Variants in SHTN1 observed in about 807,000 individuals in gnomAD.
SHTN1 encodes the protein shootin 1.
Under a neutral mutation model 83.1 loss-of-function variants are expected in SHTN1, and 42 were observed. The observed-to-expected ratio is 0.51, with a 90% CI of 0.39 to 0.65. The LOEUF (loss-of-function observed/expected upper bound fraction) is 0.65, where lower values mean the gene tolerates loss of function less well. Among genes scored for constraint, SHTN1 ranks in the 30% least tolerant of loss-of-function variants. SHTN1 has a pLI of 0.00. For missense variants in SHTN1, 622 were observed against 737.8 expected (o/e 0.84, Z 1.82); for synonymous variants, 224 against 247.7 (o/e 0.90, Z 0.90).
intron 2 of SHTN1, among the ~76,000 whole-genome samples, chr10:117,037,839 C>T (rs142967045): frequency 0.02 from 3,057 of 151,768 alleles, 44 homozygotes; most frequent in East Asian, 0.033. Flanking sequence ...AACCCCATCT[C>T]TACTAAAAAT....
intron 1 of SHTN1, among the ~76,000 whole-genome samples, chr10:116,994,855 A>G (rs1308007435): frequency 8.6e-5 from 2 of 23,142 alleles, no homozygotes; most frequent in South Asian, 9.4e-3. Context: ...TGGAAGTCTG[A>G]AAGTGACATA....
upstream of SHTN1, among the ~76,000 whole-genome samples, chr10:117,007,124 C>G (rs1267957110): frequency 6.6e-6 from 1 of 151,838 alleles, no homozygotes; most frequent in African/African-American, 2.4e-5. Flanking sequence ...AAGATAGTTG[C>G]AGATAGCTGC....
At chr10:117,096,202 G>A (rs1331260602) in intron 1 of SHTN1, among the ~76,000 whole-genome samples, 1 of 152,112 alleles carries the variant, frequency 6.6e-6, no homozygotes, top group Non-Finnish European at 1.5e-5. Context: ...TTTGGTTATT[G>A]TGCTTAAAAT....
At chr10:117,118,078 A>G (rs1011657742) in intron 1 of SHTN1, among the ~76,000 whole-genome samples, 1 of 152,222 alleles carries the variant, frequency 6.6e-6, no homozygotes, top group African/African-American at 2.4e-5. Flanking sequence ...ACAGCAAAGG[A>G]AACAAATAAC....
rs763069813 is a variant in SHTN1 at position 116,930,005 on chromosome 10, A to G, written c.859-3T>C. On this transcript the variant is annotated splice_region_variant and splice_polypyrimidine_tract_variant and intron_variant, in intron 9 of 16. Coordinates refer to ENST00000355371, the MANE Select transcript of SHTN1 (RefSeq NM_001127211.3). The stretch of plus-strand genomic sequence containing the variant: ...AGTTGCTCTTCTAATTCTTTGACCT[A>G]TAAGTTATTTAAAAAAAAAAGACTT... 9.8e-6 allele frequency: 15 copies of G among 1,526,368 alleles called. No homozygotes were observed. Among genetic ancestry groups the G allele is most frequent in the Middle Eastern group, 1.8e-4 (1 of 5,568 alleles). 94.6% of individuals were successfully genotyped at this position (1,526,368 alleles called of 1,614,324 possible).
chr10:116,943,678 C>T (rs78799641), intron 8 of SHTN1, among the ~76,000 whole-genome samples: 1 of 152,326 alleles, frequency 6.6e-6, no homozygotes, highest in South Asian at 2.1e-4. Context: ...GCTAGCACAG[C>T]TATGCTCAAG....
intron 16 of SHTN1, among the ~76,000 whole-genome samples, chr10:116,889,782 T>G (rs1465781861): frequency 6.6e-6 from 1 of 152,216 alleles, no homozygotes; most frequent in African/African-American, 2.4e-5. Flanking sequence ...TCCGAATCCG[T>G]TTCCATCTCC....
At chr10:117,112,740 A>G (rs1853786142) in intron 1 of SHTN1, among the ~76,000 whole-genome samples, 1 of 152,180 alleles carries the variant, frequency 6.6e-6, no homozygotes, top group South Asian at 2.1e-4. Context: ...TTCAAATTAA[A>G]ATTTCTCTTC....
intron 2 of SHTN1, among the ~76,000 whole-genome samples, chr10:117,025,825 C>T (rs1176549808): frequency 6.6e-6 from 1 of 152,106 alleles, no homozygotes; most frequent in Non-Finnish European, 1.5e-5. Flanking sequence ...CAAAAGGGAA[C>T]CTGCTGCCTT....
At chr10:117,097,076 A>T (rs943164831) in intron 1 of SHTN1, among the ~76,000 whole-genome samples, 3 of 151,748 alleles carry the variant, frequency 2.0e-5, no homozygotes, top group African/African-American at 7.3e-5. Flanking sequence ...GGAAAAAGGA[A>T]GCCCTAGAGT....
At chr10:116,898,969 GA>G (rs900766619) in intron 16 of SHTN1, among the ~76,000 whole-genome samples, 3 of 151,910 alleles carry the variant, frequency 2.0e-5, no homozygotes, top group South Asian at 2.1e-4. Context: ...TTTATTGAAA[GA>G]AAAAAAACTT....
At chr10:116,942,898 A>G (rs1348933223) in intron 8 of SHTN1, among the ~76,000 whole-genome samples, 1 of 152,222 alleles carries the variant, frequency 6.6e-6, no homozygotes, top group African/African-American at 2.4e-5. Context: ...ATGCAAAAGA[A>G]TGGGACTCTG....
chr10:116,916,166 G>A (rs990866198), intron 12 of SHTN1, among the ~76,000 whole-genome samples: 2 of 152,078 alleles, frequency 1.3e-5, no homozygotes, highest in South Asian at 2.1e-4. Flanking sequence ...ATTGTTTAAC[G>A]TTGCCACTAT....
intron 7 of SHTN1, among the ~76,000 whole-genome samples, chr10:116,945,535 C>T (rs1341522691): frequency 6.6e-6 from 1 of 152,004 alleles, no homozygotes; most frequent in African/African-American, 2.4e-5. Context: ...ACAGCCATTT[C>T]ACAGAATAGA....
At chr10:116,915,963 T>C (rs1848368279) in intron 12 of SHTN1, among the ~76,000 whole-genome samples, 1 of 152,228 alleles carries the variant, frequency 6.6e-6, no homozygotes, top group Non-Finnish European at 1.5e-5. Context: ...AATAAGTCTA[T>C]AGTCAAAAGA....
chr10:116,948,831 A>T, intron 7 of SHTN1, 85 bp downstream of exon 7: 1 of 843,976 alleles, frequency 1.2e-6, no homozygotes, highest in Non-Finnish European at 1.7e-6. Flanking sequence ...AGTCATATTT[A>T]GGCACAGGTG....
At chr10:117,114,643 C>T (rs1339108886) in intron 1 of SHTN1, among the ~76,000 whole-genome samples, 2 of 152,092 alleles carry the variant, frequency 1.3e-5, no homozygotes, top group Non-Finnish European at 2.9e-5. Flanking sequence ...AGGAAGCAGG[C>T]CCTTGGATGG....
intron 16 of SHTN1, among the ~76,000 whole-genome samples, chr10:116,899,707 C>A (rs1239946702): frequency 6.6e-6 from 1 of 152,130 alleles, no homozygotes; most frequent in Admixed American, 6.5e-5. Flanking sequence ...GAAGTGTTAA[C>A]TACTAGAATG....
At chr10:116,910,061 A>C (rs1346361974) in intron 14 of SHTN1, among the ~76,000 whole-genome samples, 1 of 152,102 alleles carries the variant, frequency 6.6e-6, no homozygotes, top group Non-Finnish European at 1.5e-5. Flanking sequence ...ACCACTAAAG[A>C]CCCAAATGTC....
Sources: allele counts gnomAD v4.1 joint callset (sites outside exome capture counted in the v4.1 genomes callset), GRCh38; gene constraint gnomAD v4.1.1; transcripts MANE v1.5; gene names NCBI Gene and HGNC (gene_info 2026-07-23, HGNC 2026-07-21).